ZP4: variants seen among roughly 807,000 people sequenced by gnomAD.
ZP4 encodes zona pellucida sperm-binding protein 4.
In ZP4, 62 loss-of-function variants were observed where a neutral mutation model predicts 62.3. The observed-to-expected ratio is 0.99, with a 90% CI of 0.81 to 1.23. ZP4 has a LOEUF of 1.23. Ranked by LOEUF, ZP4 falls within the 50% of genes most tolerant of loss-of-function variation. The pLI, the probability that ZP4 is intolerant of heterozygous loss-of-function variation, is 0.00. For synonymous variants in ZP4, 289 were observed against 247.3 expected, an observed-to-expected ratio of 1.17 and a Z score of -1.58; for missense variants, 774 against 656.0, an observed-to-expected ratio of 1.18 and a Z score of -1.97.
Position 237,885,886 on chromosome 1 carries a change from C to A in ZP4, c.840G>T (p.Arg280Ser), listed in dbSNP as rs780199400. 8.7e-6 allele frequency: 14 copies of A among 1,613,898 alleles called. 1 individual carries two copies. In the South Asian group the frequency reaches 1.5e-4, roughly 18 times the overall value. The change falls in exon 7 of 12, where the codon AGG becomes AGT. Residue 280 changes from arginine (R) to serine (S), a missense_variant and splice_region_variant. Physicochemically the swap from Arg to Ser is moderately radical, Grantham distance 110. Transcript: ENST00000366570. ...RGSVTRDSIFRLHVSCSYSVS... is the reference protein window; with the variant it reads ...RGSVTRDSIFSLHVSCSYSVS... ...CTGAGTAGCTGCAGCTGACATGGAG[C>A]CTGCAGAGAAACAAGATTTTAGCTA...
chr1:237,887,632 C>A, intron 4 of ZP4, 71 bp from the exon 5 acceptor site: 1 of 1,495,768 alleles, frequency 6.7e-7, no homozygotes, highest in Non-Finnish European at 9.1e-7. Context: ...GAAAGTCTAA[C>A]CACTTAGTTA....
chr1:237,888,115 C>T (rs1665149449), intron 4 of ZP4, among the ~76,000 whole-genome samples: 1 of 152,232 alleles, frequency 6.6e-6, no homozygotes, highest in Non-Finnish European at 1.5e-5. Context: ...TTATCTGGCA[C>T]TAGCAATTAT....
rs529168464 is a variant in ZP4 at position 237,882,634 on chromosome 1, T to C, written c.1496-85A>G. 8 of 1,571,920 alleles carry C rather than the reference T, an allele frequency of 5.1e-6. No individual in the cohort carries two copies. In the African/African-American group the frequency reaches 6.8e-5, roughly 13 times the overall value. On this transcript the variant is annotated intron_variant, in intron 11 of 11. Coordinates refer to ENST00000366570, the MANE Select transcript of ZP4 (RefSeq NM_021186.5). Reference sequence around the variant, plus strand: ...GACAAAGACTAGCAGTCTTCTGCTATAGGAAGGTCAATTTCTTTTGACTAG... The same window carrying C: ...GACAAAGACTAGCAGTCTTCTGCTACAGGAAGGTCAATTTCTTTTGACTAG...
intron 10 of ZP4, among the ~76,000 whole-genome samples, chr1:237,884,043 A>AAACACACACACACAC (rs1558531261): frequency 9.5e-6 from 1 of 104,822 alleles, no homozygotes; most frequent in African/African-American, 5.5e-5. Context: ...AACACACACA[A>AAACACACACACACAC]ACACACACAA....
At chr1:237,890,225 G>T in intron 1 of ZP4, 49 bp from the exon 2 acceptor site, 1 of 1,611,130 alleles carries the variant, frequency 6.2e-7, no homozygotes. Flanking sequence ...AGTCTCCAGT[G>T]CCAGAAAGGA....
intron 3 of ZP4, 74 bp from the exon 4 acceptor site, chr1:237,888,584 A>T (rs987321397): frequency 2.2e-5 from 32 of 1,458,428 alleles, no homozygotes; most frequent in Middle Eastern, 1.8e-4. Flanking sequence ...GATACAAGTC[A>T]TTGACTTTGG....
chr1:237,884,776 A>T lies in ZP4; in HGVS notation c.1383T>A (p.Asp461Glu). The T allele has an allele frequency of 6.2e-7, 1 of 1,613,598 alleles. No individual in the cohort carries two copies. Among genetic ancestry groups the T allele is most frequent in the Non-Finnish European group, 8.5e-7 (1 of 1,179,804 alleles). Reference sequence around the variant, plus strand: ...AACAGCTTGGTTACTCACGACTGAGATCAGGACAGGTCACCACACAGGATG... The same window carrying T: ...AACAGCTTGGTTACTCACGACTGAGTTCAGGACAGGTCACCACACAGGATG... ...ETPSCVVTCP[D>E]LSRRRNFDNS... is the part of the protein sequence containing the mutation. The change falls in exon 10 of 12, where the codon GAT (aspartate) becomes GAA (glutamate). Residue 461 changes from aspartate (D) to glutamate (E), a missense_variant. Coordinates refer to ENST00000366570, the MANE Select transcript of ZP4 (RefSeq NM_021186.5).
intron 10 of ZP4, among the ~76,000 whole-genome samples, chr1:237,884,043 AACACACACAAACAC>A (rs1665034104): frequency 3.8e-5 from 4 of 104,822 alleles, no homozygotes; most frequent in African/African-American, 5.5e-5. Context: ...AACACACACA[AACACACACAAACAC>A]ACACAAACAC....
rs1233011209 is a variant in ZP4, at chr1:237,887,361, C to T, written c.741+13G>A. On this transcript the variant is annotated intron_variant, in intron 5 of 11. Coordinates refer to ENST00000366570, the MANE Select transcript of ZP4 (RefSeq NM_021186.5). ...CCAACTTCCAGAGCCAGGAACAAAG[C>T]CCAACTGCTCACCTGTCTTGTGGTG... 2.5e-6 allele frequency: 4 copies of T among 1,611,642 alleles called. No homozygotes were observed. The South Asian group carries it at 4.4e-5, about 18-fold the overall frequency.
rs781226104 is a variant in ZP4 at position 237,885,524 on chromosome 1, G to A, written c.1027C>T (p.Arg343Trp). 5.6e-6 allele frequency: 9 copies of A among 1,614,140 alleles called. No homozygotes were observed. Among genetic ancestry groups the A allele is most frequent in the South Asian group, 2.2e-5 (2 of 91,072 alleles). The part of the protein sequence containing the change: ...VGDYPVVKLL[R>W]DPIYVEVSIL... The stretch of plus-strand genomic sequence containing the variant: ...GAGACCTCCACGTAAATGGGATCCC[G>A]AAGCAACTTCACCACTGGGTAGTCA... Residue 343 changes from arginine (R) to tryptophan (W), a missense_variant, in exon 8 of 12, where the codon CGG becomes TGG. By Grantham distance (101) the Arg-to-Trp change is moderately radical. Coordinates refer to ENST00000366570, the MANE Select transcript of ZP4 (RefSeq NM_021186.5).
At chr1:237,889,318 T>TA (rs2103020436) in intron 3 of ZP4, among the ~76,000 whole-genome samples, 1 of 122,546 alleles carries the variant, frequency 8.2e-6, no homozygotes, top group South Asian at 2.1e-4. Context: ...AGGTTGTATT[T>TA]TTTTTTTTTT....
Position 237,887,548 on chromosome 1 carries a change from A to G in ZP4, c.567T>C (p.Cys189=). The change falls in exon 5 of 12, where the codon TGT becomes TGC. Residue 189 remains cysteine, a synonymous_variant. Transcript: ENST00000366570. ...CAATAGAGAAATGGCCCTCTCGGGTACAATGCAAGGTCACTGAAACAGAGC... is the reference window on the plus strand; with the variant it reads ...CAATAGAGAAATGGCCCTCTCGGGTGCAATGCAAGGTCACTGAAACAGAGC... ...CYYGNTVTLH[C]TREGHFSIAV... 6.2e-7 allele frequency: 1 copy of G among 1,613,954 alleles called. No individual in the cohort carries two copies. The highest frequency in any genetic ancestry group is 8.5e-7 in the Non-Finnish European group (1 of 1,179,906).
Position 237,885,776 on chromosome 1 carries a change from A to G in ZP4, c.950T>C (p.Leu317Pro), listed in dbSNP as rs779017205. ...FPETQPGPLT[L>P]ELQIAKDKNY... ...CATACCTTTGGCAATCTGAAGTTCCAGAGTGAGGGGTCCAGGCTGGGTCTC... is the reference window on the plus strand; with the variant it reads ...CATACCTTTGGCAATCTGAAGTTCCGGAGTGAGGGGTCCAGGCTGGGTCTC... Residue 317 changes from leucine (L) to proline (P), a missense_variant, in exon 7 of 12, where the codon CTG becomes CCG. Coordinates refer to ENST00000366570, the MANE Select transcript of ZP4 (RefSeq NM_021186.5). 3.7e-6 allele frequency: 6 copies of G among 1,614,142 alleles called. No homozygotes were observed. Among genetic ancestry groups the G allele is most frequent in the Middle Eastern group, 3.3e-4 (2 of 6,060 alleles).
intron 10 of ZP4, among the ~76,000 whole-genome samples, chr1:237,883,381 G>C (rs1195301732): frequency 6.6e-6 from 1 of 151,438 alleles, no homozygotes; most frequent in Non-Finnish European, 1.5e-5. Context: ...TCTGGAGTTT[G>C]AGACCAGCCC....
chr1:237,887,765 T>C (rs550091715), intron 4 of ZP4, among the ~76,000 whole-genome samples: 1 of 152,294 alleles, frequency 6.6e-6, no homozygotes, highest in South Asian at 2.1e-4. Context: ...CCCTGACTTA[T>C]TGTGTGACCT....
chr1:237,885,422 T>C lies in ZP4; in HGVS notation c.1129A>G (p.Ser377Gly). The C allele has an allele frequency of 6.2e-7, 1 of 1,612,850 alleles. No individual in the cohort carries two copies. ...CWATPSTDPLSQPQWPILVKG... is the reference protein window; with the variant it reads ...CWATPSTDPLGQPQWPILVKG... ...ACCAGGATGGGCCACTGTGGCTGACTCAGGGGGTCAGTGCTGGGTGTTGCC... is the reference window on the plus strand; with the variant it reads ...ACCAGGATGGGCCACTGTGGCTGACCCAGGGGGTCAGTGCTGGGTGTTGCC... The change falls in exon 8 of 12, where the codon AGT becomes GGT. Residue 377 changes from serine (S) to glycine (G), a missense_variant. Physicochemically the swap from Ser to Gly is moderately conservative, Grantham distance 56. Transcript: ENST00000366570.
intron 3 of ZP4, 126 bp downstream of exon 3, chr1:237,889,735 GAGAGTT>G (rs1665192333): frequency 1.2e-6 from 1 of 814,774 alleles, no homozygotes; most frequent in Non-Finnish European, 2.1e-6. Flanking sequence ...CCATGGAGGT[GAGAGTT>G]GGGACATGAT....
intron 5 of ZP4, 70 bp downstream of exon 5, chr1:237,887,304 C>G (rs907169761): frequency 1.9e-6 from 3 of 1,541,068 alleles, no homozygotes; most frequent in Non-Finnish European, 2.7e-6. Flanking sequence ...CATATTTCAG[C>G]TCTCCCCCAC....
chr1:237,890,099 C>A lies in ZP4; in HGVS notation c.253G>T (p.Val85Leu), dbSNP rs772372321. Residue 85 changes from valine (V) to leucine (L), a missense_variant, in exon 2 of 12, where the codon GTG becomes TTG. Coordinates refer to ENST00000366570, the MANE Select transcript of ZP4 (RefSeq NM_021186.5). Reference sequence around the variant, plus strand: ...CTGCTATAGGTTGCCTCCAACACCACGGAGCTGCCTGGACCTTTTCTTATC... The same window carrying A: ...CTGCTATAGGTTGCCTCCAACACCAAGGAGCTGCCTGGACCTTTTCTTATC... ...TWIRKGPGSS[V>L]VLEATYSSCY... 1 of 1,614,124 alleles carries A rather than the reference C, an allele frequency of 6.2e-7. No homozygotes were observed. The highest frequency in any genetic ancestry group is 1.7e-5 in the Admixed American group (1 of 60,024).
Sources: gnomAD v4.1 joint callset for allele counts (sites outside exome capture counted in the v4.1 genomes callset) on GRCh38, gnomAD v4.1.1 for gene constraint, MANE v1.5 for transcripts, NCBI Gene and HGNC (gene_info 2026-07-23, HGNC 2026-07-21) for gene names.